DNAAF9: variants seen among roughly 807,000 people sequenced by gnomAD.
DNAAF9 encodes shulin.
In DNAAF9, 90 loss-of-function variants were observed where a neutral mutation model predicts 167.0. The ratio of observed to expected loss-of-function variants is 0.54; its 90% CI spans 0.45 to 0.64. The LOEUF (loss-of-function observed/expected upper bound fraction) is 0.64, where lower values mean the gene tolerates loss of function less well. Among genes scored for constraint, DNAAF9 ranks in the 30% least tolerant of loss-of-function variants. The pLI is 0.00. For missense variants in DNAAF9, 1,315 were observed against 1,442.2 expected (o/e 0.91, Z 1.43); for synonymous variants, 491 against 508.8 (o/e 0.96, Z 0.47).
intron 8 of DNAAF9, among the ~76,000 whole-genome samples, chr20:3,347,760 A>G (rs1470613095): frequency 2.6e-5 from 4 of 152,072 alleles, no homozygotes; most frequent in Non-Finnish European, 5.9e-5. Flanking sequence ...CATCTCTACT[A>G]AAAATACAAA....
chr20:3,376,139 A>G (rs766582278), intron 4 of DNAAF9, 39 bp downstream of exon 4: 1 of 1,587,264 alleles, frequency 6.3e-7, no homozygotes, highest in African/African-American at 1.4e-5. Flanking sequence ...GAGTATTCTT[A>G]GAGTGTCTCT....
chr20:3,361,935 G>T (rs2083370178), intron 6 of DNAAF9: 2 of 1,521,024 alleles, frequency 1.3e-6, no homozygotes, highest in Non-Finnish European at 1.8e-6. Flanking sequence ...ATTTTCTTTA[G>T]ACATCATTAG....
At chr20:3,347,380 T>C (rs1033295753) in intron 8 of DNAAF9, among the ~76,000 whole-genome samples, 1 of 152,116 alleles carries the variant, frequency 6.6e-6, no homozygotes, top group Non-Finnish European at 1.5e-5. Context: ...AGAAGATTAA[T>C]ACCACAAAAA....
At chr20:3,316,004 TC>T (rs527289885) in intron 18 of DNAAF9, 281 of 590,434 alleles carry the variant, frequency 4.8e-4, no homozygotes, top group African/African-American at 4.7e-3. Context: ...GGACCTGAGG[TC>T]CAGCTAATGA....
intron 31 of DNAAF9, among the ~76,000 whole-genome samples, chr20:3,263,665 CT>C (rs1479981205): frequency 6.6e-6 from 1 of 152,176 alleles, no homozygotes; most frequent in Non-Finnish European, 1.5e-5. Context: ...ACAAACAAAG[CT>C]CTCACAACAG....
intron 6 of DNAAF9, among the ~76,000 whole-genome samples, chr20:3,363,838 A>G (rs2083396707): frequency 6.6e-6 from 1 of 152,098 alleles, no homozygotes; most frequent in African/African-American, 2.4e-5. Flanking sequence ...TTTCTTTAGC[A>G]TTATTCAATC....
intron 25 of DNAAF9, among the ~76,000 whole-genome samples, chr20:3,292,526 G>T (rs1428235601): frequency 1.3e-5 from 2 of 152,106 alleles, no homozygotes; most frequent in African/African-American, 4.8e-5. Flanking sequence ...CAGCACTTTG[G>T]GAGGCCGAGG....
At chr20:3,391,527 C>G (rs988342581) in intron 1 of DNAAF9, among the ~76,000 whole-genome samples, 9 of 151,468 alleles carry the variant, frequency 5.9e-5, no homozygotes, top group Admixed American at 5.3e-4. Flanking sequence ...CCTCACCCCC[C>G]AGAGGTCACC....
Position 3,407,661 on chromosome 20 carries a change from GT to G in DNAAF9, c.-105del. 6 of 1,093,286 alleles carry G rather than the reference GT, an allele frequency of 5.5e-6. No homozygotes were observed. The highest frequency in any genetic ancestry group is 5.6e-6 in the Non-Finnish European group (5 of 898,354). The allele number at this position is 1,093,286 out of a possible 1,614,324, so 67.7% of individuals were successfully genotyped here. A position where few individuals can be genotyped will look rare whatever the true frequency, so the allele number is the denominator to read the frequency against. On this transcript the variant is annotated 5_prime_UTR_variant, in exon 1 of 37. Transcript: ENST00000252032. Reference sequence around the variant, plus strand: ...CTGCGGCCGGGCGGGGCGGCAGGGCGTGCCGGGTGGGAGGGGGCGCGGCGCG... The same window carrying G: ...CTGCGGCCGGGCGGGGCGGCAGGGCGGCCGGGTGGGAGGGGGCGCGGCGCG...
At chr20:3,338,314 G>C (rs1477126197) in intron 10 of DNAAF9, among the ~76,000 whole-genome samples, 1 of 151,978 alleles carries the variant, frequency 6.6e-6, no homozygotes, top group African/African-American at 2.4e-5. Flanking sequence ...TGTTTGTATG[G>C]TTTCTGATAA....
At chr20:3,338,087 C>T (rs2070000320) in intron 10 of DNAAF9, among the ~76,000 whole-genome samples, 1 of 148,914 alleles carries the variant, frequency 6.7e-6, no homozygotes, top group African/African-American at 2.5e-5. Context: ...AATATATATA[C>T]ACACATACAT....
intron 10 of DNAAF9, among the ~76,000 whole-genome samples, chr20:3,337,978 AAAATATATAAT>A: frequency 9.7e-5 from 1 of 10,356 alleles, no homozygotes; most frequent in African/African-American, 7.8e-4. Context: ...TATAATATAT[AAAATATATAAT>A]ACATAACATA....
chr20:3,284,579 T>C (rs2068819442), intron 27 of DNAAF9, among the ~76,000 whole-genome samples: 1 of 151,346 alleles, frequency 6.6e-6, no homozygotes, highest in Admixed American at 6.6e-5. Context: ...GTATTTTCTT[T>C]ATTAAAAATA....
rs868389812 is a variant in DNAAF9 at position 3,319,250 on chromosome 20, G to A, written c.1357-850C>T. Among the ~76,000 whole-genome samples, 169 of 106,698 alleles carry A rather than the reference G, an allele frequency of 1.6e-3. 1 individual carries two copies. Among genetic ancestry groups the A allele is most frequent in the African/African-American group, 4.4e-3 (127 of 28,758 alleles). The allele number at this position is 106,698 out of a possible 152,430, so 70.0% of individuals were successfully genotyped here. A position where few individuals can be genotyped will look rare whatever the true frequency, so the allele number is the denominator to read the frequency against. On this transcript the variant is annotated intron_variant, in intron 16 of 36. Transcript: ENST00000252032. ...TGCACTCCAGCCTGGGCAACGGACC[G>A]AGACCCCGTCTCAAAAAAAAAAAAA...
intron 7 of DNAAF9, among the ~76,000 whole-genome samples, chr20:3,358,398 C>T (rs1296863628): frequency 2.0e-5 from 3 of 152,134 alleles, no homozygotes; most frequent in Non-Finnish European, 4.4e-5. Flanking sequence ...ATTCTCCTGC[C>T]TCAGCCTTCT....
chr20:3,262,915 T>C (rs1432403285), intron 31 of DNAAF9, among the ~76,000 whole-genome samples: 5 of 151,218 alleles, frequency 3.3e-5, no homozygotes, highest in Non-Finnish European at 7.4e-5. Flanking sequence ...TAATTTTACA[T>C]ACTGACCCTC....
At chr20:3,278,824 T>C in intron 29 of DNAAF9, 88 bp downstream of exon 29, 1 of 977,292 alleles carries the variant, frequency 1.0e-6, no homozygotes, top group Non-Finnish European at 1.7e-6. Context: ...GATTTCAGAA[T>C]GGTAGGTAAG....
intron 17 of DNAAF9, 97 bp from the exon 18 acceptor site, chr20:3,316,890 C>CTTTT (rs11424663): frequency 5.2e-4 from 130 of 250,580 alleles, no homozygotes; most frequent in South Asian, 6.4e-4. Flanking sequence ...AGCTAGGGTT[C>CTTTT]TTTTTTTTTT....
chr20:3,400,081 G>A (rs143267633), intron 1 of DNAAF9, among the ~76,000 whole-genome samples: 17 of 152,312 alleles, frequency 1.1e-4, no homozygotes, highest in African/African-American at 3.8e-4. Flanking sequence ...ATATTCCAGT[G>A]TATACAACAC....
Sources: allele counts gnomAD v4.1 joint callset (sites outside exome capture counted in the v4.1 genomes callset), GRCh38; gene constraint gnomAD v4.1.1; transcripts MANE v1.5; gene names NCBI Gene and HGNC (gene_info 2026-07-23, HGNC 2026-07-21).